ARNT: variants seen among roughly 807,000 people sequenced by gnomAD.
ARNT encodes class E basic helix-loop-helix protein 2.
In ARNT, 30 loss-of-function variants were observed where a neutral mutation model predicts 105.0. The observed-to-expected ratio is 0.29, with a 90% confidence interval of 0.21 to 0.39. The LOEUF (loss-of-function observed/expected upper bound fraction) is 0.39, where lower values mean the gene tolerates loss of function less well. Among genes scored for constraint, ARNT ranks in the 10% least tolerant of loss-of-function variants. The pLI is 1.00. For synonymous variants in ARNT, 304 were observed against 344.0 expected, an observed-to-expected ratio of 0.88 and a Z score of 1.29; for missense variants, 748 against 978.7, an observed-to-expected ratio of 0.76 and a Z score of 3.15.
At chr1:150,847,336 C>A (rs1263934204) in intron 3 of ARNT, among the ~76,000 whole-genome samples, 2 of 144,864 alleles carry the variant, frequency 1.4e-5, no homozygotes, top group Non-Finnish European at 3.0e-5. Flanking sequence ...GAGGCTGAGG[C>A]AGCAGAACCA....
Position 150,816,378 on chromosome 1 carries a change from T to G in ARNT, c.1831A>C (p.Ile611Leu), listed in dbSNP as rs760635188. Reference protein sequence around the residue: ...RNSGLAPPVTIVQPSASAGQM... With the variant: ...RNSGLAPPVTLVQPSASAGQM... ...CCTGCAGAAGCTGATGGCTGGACAA[T>G]GGTTACAGGAGGGGCTAGGCCACTA... Residue 611 changes from isoleucine to leucine, a missense_variant, in exon 19 of 22, where the codon ATT becomes CTT. Physicochemically the swap from Ile to Leu is conservative, Grantham distance 5. Around this residue, in one of 4 missense-constraint regions of ARNT, gnomAD observed 360 missense variants for 411.9 expected, o/e 0.87. Coordinates refer to ENST00000358595, the MANE Select transcript of ARNT (RefSeq NM_001668.4). 1 of 1,607,210 alleles carries G rather than the reference T, an allele frequency of 6.2e-7. No individual in the cohort carries two copies. Among genetic ancestry groups the G allele is most frequent in the African/African-American group, 1.3e-5 (1 of 74,144 alleles).
intron 3 of ARNT, among the ~76,000 whole-genome samples, chr1:150,848,663 A>C (rs955867818): frequency 2.0e-5 from 3 of 151,960 alleles, no homozygotes; most frequent in Admixed American, 2.0e-4. Flanking sequence ...CGAGTAGCTG[A>C]GACTACAGGC....
intron 7 of ARNT, chr1:150,834,914 C>T (rs1660026599): frequency 1.1e-5 from 4 of 365,394 alleles, no homozygotes; most frequent in South Asian, 1.1e-4. Context: ...AAACAAGAGG[C>T]AAGGCTATAT....
chr1:150,815,674 A>G (rs1655691575), intron 19 of ARNT, among the ~76,000 whole-genome samples: 2 of 151,768 alleles, frequency 1.3e-5, no homozygotes, highest in South Asian at 4.2e-4. Flanking sequence ...CCTGGCTAAC[A>G]TGGTGAAACC....
chr1:150,830,953 C>T (rs891189266), intron 10 of ARNT, among the ~76,000 whole-genome samples: 5 of 152,204 alleles, frequency 3.3e-5, no homozygotes, highest in East Asian at 1.9e-4. Flanking sequence ...ACATTAATTA[C>T]TTTTATTGGG....
At chr1:150,812,166 CAAGTTCTACT>C in intron 21 of ARNT, 56 bp from the exon 22 acceptor site, 1 of 1,298,056 alleles carries the variant, frequency 7.7e-7, no homozygotes, top group Non-Finnish European at 1.0e-6. Context: ...TTACACTTAC[CAAGTTCTACT>C]CCACCATTCC....
At position 150,813,288 on chromosome 1, in the gene ARNT, C is replaced by A. The variant is rs370493512; in HGVS notation, c.2164G>T (p.Gly722Cys). 8 of 1,613,698 alleles carry A rather than the reference C, an allele frequency of 5.0e-6. No individual in the cohort carries two copies. The highest frequency in any genetic ancestry group is 1.3e-5 in the African/African-American group (1 of 74,896). The change falls in exon 21 of 22, where the codon GGT becomes TGT. Residue 722 changes from glycine (G) to cysteine (C), a missense_variant. This residue lies in a region of ARNT where 360 missense variants were observed against 411.9 expected (regional missense o/e 0.87). Transcript: ENST00000358595. ...AGQFQTRTAEGVGVWPQWQGQ... is the reference protein window; with the variant it reads ...AGQFQTRTAECVGVWPQWQGQ... ...TGCCACTGTGGCCAGACACCCACAC[C>A]CTCTGCTGTCCGTGTCTGGAATTGT... is the stretch of plus-strand genomic sequence containing the variant.
intron 3 of ARNT, among the ~76,000 whole-genome samples, chr1:150,851,704 A>G (rs1257686905): frequency 6.6e-6 from 1 of 152,192 alleles, no homozygotes; most frequent in Non-Finnish European, 1.5e-5. Flanking sequence ...TCAAGTACCC[A>G]GGGACACAAA....
In ARNT at chr1:150,812,117, A is replaced by C. The variant is rs1251393558; in HGVS notation, c.2281-7T>G. On this transcript the variant is annotated splice_polypyrimidine_tract_variant and splice_region_variant and intron_variant, in intron 21 of 21. Coordinates refer to ENST00000358595, the MANE Select transcript of ARNT (RefSeq NM_001668.4). ...CCAGCATGGACAGCATCTCCTGATA[A>C]AAGAAAAAGATTAAGTTTGGGTCAC... 6.4e-7 allele frequency: 1 copy of C among 1,550,726 alleles called. No individual in the cohort carries two copies. Among genetic ancestry groups the C allele is most frequent in the Non-Finnish European group, 8.7e-7 (1 of 1,145,712 alleles).
Position 150,826,669 on chromosome 1 carries a change from A to G in ARNT, c.1168-52T>C, listed in dbSNP as rs1446681913. On this transcript the variant is annotated intron_variant, in intron 12 of 21. Transcript: ENST00000358595. ...ATATACTTTTTTTTTTTTAAGATGG[A>G]GTTTCGCTCTTGTTGCCCAGGCTGG... The G allele has an allele frequency of 5.1e-6, 7 of 1,385,702 alleles. No individual in the cohort carries two copies. The Admixed American group carries it at 1.3e-4, about 25-fold the overall frequency. The allele number at this position is 1,385,702 out of a possible 1,614,324, so 85.8% of individuals were successfully genotyped here. A position where few individuals can be genotyped will look rare whatever the true frequency, so the allele number is the denominator to read the frequency against.
chr1:150,812,236 C>T (rs1377692425), intron 21 of ARNT, 126 bp from the exon 22 acceptor site: 1 of 581,956 alleles, frequency 1.7e-6, no homozygotes, highest in Non-Finnish European at 2.6e-6. Flanking sequence ...GAGCTCTTAG[C>T]CTTCCTTACT....
chr1:150,810,060 T>C lies in ARNT; in HGVS notation c.*1961A>G, dbSNP rs918008789. 4.4e-6 allele frequency: 1 copy of C among 229,724 alleles called. No individual in the cohort carries two copies. Among genetic ancestry groups the C allele is most frequent in the Admixed American group, 5.7e-5 (1 of 17,662 alleles). The allele number at this position is 229,724 out of a possible 1,614,324, so 14.2% of individuals were successfully genotyped here. A position where few individuals can be genotyped will look rare whatever the true frequency, so the allele number is the denominator to read the frequency against. On this transcript the variant is annotated 3_prime_UTR_variant, in exon 22 of 22. Transcript: ENST00000358595. The stretch of plus-strand genomic sequence containing the variant: ...TTGTTTATGAACTGGAAAGGAATGA[T>C]AAAGCCGCAATCAAGATCACACAAC...
At chr1:150,876,435 C>A in intron 1 of ARNT, 108 bp downstream of exon 1, 1 of 1,506,796 alleles carries the variant, frequency 6.6e-7, no homozygotes, top group Non-Finnish European at 8.9e-7. Context: ...CCCCGCCCCG[C>A]CCCGGCGCCT....
chr1:150,867,139 G>C (rs760449401), intron 1 of ARNT, among the ~76,000 whole-genome samples: 1 of 152,042 alleles, frequency 6.6e-6, no homozygotes, highest in Non-Finnish European at 1.5e-5. Context: ...AGGAGGCGGA[G>C]GCTGCGGTGA....
intron 1 of ARNT, among the ~76,000 whole-genome samples, chr1:150,869,962 C>CA (rs1231250782): frequency 1.3e-5 from 2 of 152,048 alleles, no homozygotes; most frequent in Non-Finnish European, 2.9e-5. Context: ...TTTTCATCTA[C>CA]AAAAAAGACA....
intron 3 of ARNT, among the ~76,000 whole-genome samples, chr1:150,848,782 T>A (rs1274973962): frequency 6.6e-6 from 1 of 152,136 alleles, no homozygotes; most frequent in Non-Finnish European, 1.5e-5. Flanking sequence ...TCCACCCACC[T>A]CAGCCTCCTA....
At chr1:150,849,256 C>T (rs1662852342) in intron 3 of ARNT, among the ~76,000 whole-genome samples, 1 of 151,974 alleles carries the variant, frequency 6.6e-6, no homozygotes, top group South Asian at 2.1e-4. Context: ...TGGGCACCCA[C>T]ACAATCAAAT....
chr1:150,852,305 G>A (rs1426883148), intron 3 of ARNT, among the ~76,000 whole-genome samples: 1 of 152,142 alleles, frequency 6.6e-6, no homozygotes, highest in East Asian at 1.9e-4. Context: ...GATTTGTGCT[G>A]TAGATTGTAG....
chr1:150,811,217 G>A lies in ARNT; in HGVS notation c.*804C>T, dbSNP rs1053974864. The A allele has an allele frequency of 1.3e-5, 3 of 233,606 alleles. No individual in the cohort carries two copies. The highest frequency in any genetic ancestry group is 1.8e-4 in the South Asian group (1 of 5,522). 14.5% of individuals were successfully genotyped at this position (233,606 alleles called of 1,614,324 possible). ...TGAATGTGTTCGATAACAGACAATC[G>A]TATCAACAGCCGACTTTCTATATTT... On this transcript the variant is annotated 3_prime_UTR_variant, in exon 22 of 22. Coordinates refer to ENST00000358595, the MANE Select transcript of ARNT (RefSeq NM_001668.4).
Sources: gnomAD v4.1 joint callset for allele counts (sites outside exome capture counted in the v4.1 genomes callset) on GRCh38, gnomAD v4.1.1 for gene constraint, gnomAD v4.1.1 regional missense constraint, MANE v1.5 for transcripts, NCBI Gene and HGNC (gene_info 2026-07-23, HGNC 2026-07-21) for gene names.